The following FAM124A variants were observed in gnomAD, a reference collection of about 807,000 sequenced individuals.
FAM124A encodes family with sequence similarity 124 member A.
In FAM124A, 23 loss-of-function variants were observed where a neutral mutation model predicts 24.5. That is an observed-to-expected ratio of 0.94 (90% CI 0.68 to 1.33). The LOEUF (loss-of-function observed/expected upper bound fraction) is 1.33, where lower values mean the gene tolerates loss of function less well. Ranked by LOEUF, FAM124A falls within the 40% of genes most tolerant of loss-of-function variation. FAM124A has a pLI of 0.00. For synonymous variants in FAM124A, 287 were observed against 314.7 expected, an observed-to-expected ratio of 0.91 and a Z score of 0.93; for missense variants, 623 against 722.8, an observed-to-expected ratio of 0.86 and a Z score of 1.58.
In FAM124A at chr13:51,267,140, C is replaced by T. The variant is rs562221994; in HGVS notation, c.835-13310C>T. On this transcript the variant is annotated intron_variant, in intron 3 of 3. Transcript: ENST00000322475. ...GTTTCTCAAATCACTGTTTACTAAACCTCCAAAGCATAAGGATTTTTGGTT... is the reference window on the plus strand; with the variant it reads ...GTTTCTCAAATCACTGTTTACTAAATCTCCAAAGCATAAGGATTTTTGGTT... 3.3e-5 allele frequency among the ~76,000 whole-genome samples: 5 copies of T among 152,272 alleles called. No individual in the cohort carries two copies. In the South Asian group the frequency reaches 1.0e-3, roughly 32 times the overall value.
At chr13:51,260,133 A>G (rs1377893624) in intron 3 of FAM124A, among the ~76,000 whole-genome samples, 1 of 152,174 alleles carries the variant, frequency 6.6e-6, no homozygotes, top group Non-Finnish European at 1.5e-5. Context: ...AGCCACTGAA[A>G]GCAGGGCCAG....
intron 2 of FAM124A, among the ~76,000 whole-genome samples, chr13:51,238,423 G>A (rs1954458820): frequency 6.6e-6 from 1 of 152,168 alleles, no homozygotes; most frequent in African/African-American, 2.4e-5. Flanking sequence ...TGATACAGGT[G>A]GCTTATCTGA....
chr13:51,234,867 G>C (rs928969045), intron 2 of FAM124A, among the ~76,000 whole-genome samples: 6 of 152,198 alleles, frequency 3.9e-5, no homozygotes, highest in African/African-American at 1.4e-4. Flanking sequence ...ACAGTAGAGA[G>C]ACTGTGGTGA....
intron 2 of FAM124A, among the ~76,000 whole-genome samples, chr13:51,243,828 G>A (rs1048679566): frequency 6.6e-6 from 1 of 152,170 alleles, no homozygotes; most frequent in East Asian, 1.9e-4. Context: ...CAGCCACCAC[G>A]CCCAGCCCAG....
chr13:51,266,388 T>TAGTGACCAGGAATCTACCC, intron 3 of FAM124A, among the ~76,000 whole-genome samples: 1 of 152,162 alleles, frequency 6.6e-6, no homozygotes, highest in Non-Finnish European at 1.5e-5. Flanking sequence ...TAATGTGCAT[T>TAGTGACCAGGAATCTACCC]AGTGACCAGG....
chr13:51,259,894 A>G (rs536843969), intron 3 of FAM124A, among the ~76,000 whole-genome samples: 1 of 152,234 alleles, frequency 6.6e-6, no homozygotes, highest in African/African-American at 2.4e-5. Flanking sequence ...AAGGAAAGGG[A>G]GGGAAGGTGG....
At chr13:51,263,646 T>C (rs1954758350) in intron 3 of FAM124A, among the ~76,000 whole-genome samples, 1 of 152,246 alleles carries the variant, frequency 6.6e-6, no homozygotes, top group Admixed American at 6.5e-5. Flanking sequence ...AGGAAGCAAG[T>C]CAACGGTGCC....
intron 2 of FAM124A, among the ~76,000 whole-genome samples, chr13:51,236,533 T>A (rs1306991403): frequency 1.3e-5 from 2 of 152,208 alleles, no homozygotes; most frequent in Non-Finnish European, 2.9e-5. Context: ...GCAATTACAT[T>A]TGTGATAAGC....
At chr13:51,244,630 A>G (rs895985308) in intron 2 of FAM124A, among the ~76,000 whole-genome samples, 1 of 152,182 alleles carries the variant, frequency 6.6e-6, no homozygotes, top group African/African-American at 2.4e-5. Flanking sequence ...GGGACACACC[A>G]GTTGGCCAGT....
chr13:51,239,638 G>A (rs1475474097), intron 2 of FAM124A, among the ~76,000 whole-genome samples: 1 of 152,108 alleles, frequency 6.6e-6, no homozygotes, highest in Non-Finnish European at 1.5e-5. Flanking sequence ...AGGTCTTTGT[G>A]CATATCCTTC....
chr13:51,280,752 A>G lies in FAM124A; in HGVS notation c.1137A>G (p.Pro379=). The G allele has an allele frequency of 6.2e-7, 1 of 1,614,204 alleles. No homozygotes were observed. Among genetic ancestry groups the G allele is most frequent in the Non-Finnish European group, 8.5e-7 (1 of 1,180,034 alleles). The part of the protein sequence containing the change: ...GGPSLASSAE[P]QWFSNTGAPG... The stretch of plus-strand genomic sequence containing the variant: ...CCTCCCTGGCCTCCTCAGCTGAACC[A>G]CAGTGGTTTTCAAACACAGGTGCCC... The change falls in exon 4 of 4, where the codon CCA becomes CCG. Residue 379 remains proline (P), a synonymous_variant. Coordinates refer to ENST00000322475, the MANE Select transcript of FAM124A (RefSeq NM_001242312.2).
intron 1 of FAM124A, among the ~76,000 whole-genome samples, chr13:51,230,238 G>A (rs1400786768): frequency 2.0e-5 from 3 of 151,976 alleles, no homozygotes; most frequent in East Asian, 1.9e-4. Flanking sequence ...TTTGTTCCTC[G>A]ACCAATAAAT....
Position 51,258,859 on chromosome 13 carries a change from G to A in FAM124A, c.834+6658G>A, listed in dbSNP as rs576687346. ...CACAGGTGGATGGGTTCACGTGGCC[G>A]GGGTAGGAAGATGCCACGAGAGGCT... On this transcript the variant is annotated intron_variant, in intron 3 of 3. Transcript: ENST00000322475. This position sits in a 1 kb window ranked among gnomAD's most constrained non-coding sequence, Gnocchi z 4.2. Among the ~76,000 whole-genome samples the A allele has an allele frequency of 2.6e-5, 4 of 152,230 alleles. No homozygotes were observed. Among genetic ancestry groups the A allele is most frequent in the South Asian group, 2.1e-4 (1 of 4,824 alleles).
intron 1 of FAM124A, chr13:51,225,288 C>T (rs138316399): frequency 6.6e-6 from 1 of 152,308 alleles, no homozygotes; most frequent in African/African-American, 2.4e-5. Context: ...TTCATGATGA[C>T]ATTGCATTTG....
chr13:51,252,785 T>A (rs1954639754), intron 3 of FAM124A: 1 of 152,850 alleles, frequency 6.5e-6, no homozygotes, highest in Non-Finnish European at 1.5e-5. Context: ...CCGTTAAACA[T>A]TTTAAGGAGT....
In FAM124A at chr13:51,236,159, G is replaced by A. The variant is rs746047913; in HGVS notation, c.100+4780G>A. Among the ~76,000 whole-genome samples the A allele has an allele frequency of 2.6e-5, 4 of 152,136 alleles. No individual in the cohort carries two copies. The East Asian group carries it at 7.7e-4, about 29-fold the overall frequency. ...GGCACAGCTGCTGCTCTGGGCCCCT[G>A]GATCACTCTTATTGAGAGAAAAGGG... On this transcript the variant is annotated intron_variant, in intron 2 of 3. Coordinates refer to ENST00000322475, the MANE Select transcript of FAM124A (RefSeq NM_001242312.2).
intron 3 of FAM124A, among the ~76,000 whole-genome samples, chr13:51,271,175 A>C (rs1444767237): frequency 6.6e-6 from 1 of 152,218 alleles, no homozygotes; most frequent in Non-Finnish European, 1.5e-5. Flanking sequence ...GAATTAACAT[A>C]GTAGGGATAA....
At chr13:51,243,307 G>A (rs144741856) in intron 2 of FAM124A, among the ~76,000 whole-genome samples, 5 of 152,264 alleles carry the variant, frequency 3.3e-5, no homozygotes, top group African/African-American at 9.6e-5. Context: ...TCAAAGAACT[G>A]GCTTCTAAAA....
At chr13:51,234,275 G>A (rs1243625068) in intron 2 of FAM124A, among the ~76,000 whole-genome samples, 2 of 152,118 alleles carry the variant, frequency 1.3e-5, no homozygotes, top group South Asian at 2.1e-4. Context: ...CAAGAGCATC[G>A]ACCTTGTTGC....
Sources: allele counts gnomAD v4.1 joint callset (sites outside exome capture counted in the v4.1 genomes callset), GRCh38; gene constraint gnomAD v4.1.1; non-coding constraint Gnocchi (gnomAD v3.1); transcripts MANE v1.5; gene names NCBI Gene and HGNC (gene_info 2026-07-23, HGNC 2026-07-21).